FGD3: variants seen among roughly 807,000 people sequenced by gnomAD.
The protein encoded by FGD3 is FYVE, RhoGEF and PH domain containing 3.
Under a neutral mutation model 71.8 loss-of-function variants are expected in FGD3, and 45 were observed. That is an observed-to-expected ratio of 0.63 (90% CI 0.49 to 0.80). The LOEUF (loss-of-function observed/expected upper bound fraction) is 0.80, where lower values mean the gene tolerates loss of function less well. FGD3 is among the 30% of genes least tolerant of loss of function. FGD3 has a pLI of 0.00. For synonymous variants in FGD3, 378 were observed against 392.8 expected (o/e 0.96, Z 0.44); for missense variants, 844 against 951.5 (o/e 0.89, Z 1.49).
chr9:93,011,943 G>A (rs1289802321), intron 8 of FGD3, among the ~76,000 whole-genome samples: 1 of 151,816 alleles, frequency 6.6e-6, no homozygotes, highest in Non-Finnish European at 1.5e-5. Flanking sequence ...TGGATCATGA[G>A]GTCAGGAGAT....
intron 13 of FGD3, 72 bp downstream of exon 13, chr9:93,020,496 C>T (rs759309316): frequency 7.4e-6 from 10 of 1,354,966 alleles, no homozygotes; most frequent in East Asian, 4.9e-5. Context: ...AAGGCACTGG[C>T]GTCTGGGTGG....
At chr9:92,989,115 G>T (rs1362198677) in intron 3 of FGD3, among the ~76,000 whole-genome samples, 3 of 152,076 alleles carry the variant, frequency 2.0e-5, no homozygotes, top group African/African-American at 7.2e-5. Flanking sequence ...CAATGGCGCA[G>T]TCTAGGCTCA....
At chr9:92,973,950 C>G (rs1188799659) in intron 1 of FGD3, among the ~76,000 whole-genome samples, 1 of 152,208 alleles carries the variant, frequency 6.6e-6, no homozygotes, top group Non-Finnish European at 1.5e-5. Flanking sequence ...ACAGGGCTTC[C>G]CTTCCCTGAT....
At chr9:93,008,622 A>C (rs965203020) in intron 6 of FGD3, among the ~76,000 whole-genome samples, 2 of 152,202 alleles carry the variant, frequency 1.3e-5, no homozygotes, top group African/African-American at 4.8e-5. Flanking sequence ...CACTTGATAA[A>C]GGGCGTGTCT....
chr9:93,033,302 C>T (rs1862432619), intron 16 of FGD3: 1 of 172,620 alleles, frequency 5.8e-6, no homozygotes, highest in African/African-American at 5.9e-5. Context: ...TCCCCGTCCC[C>T]TTCTCCTCCT....
intron 3 of FGD3, among the ~76,000 whole-genome samples, chr9:92,981,164 C>G (rs1463182878): frequency 6.7e-6 from 1 of 150,222 alleles, no homozygotes; most frequent in African/African-American, 2.4e-5. Context: ...GTCAGGAGAT[C>G]GAGACCATCC....
chr9:93,032,386 G>A, intron 15 of FGD3: 1 of 203,380 alleles, frequency 4.9e-6, no homozygotes. Context: ...GTCATTGTTT[G>A]TCTGGAAAAT....
At chr9:93,001,149 A>C (rs191915490) in intron 3 of FGD3, among the ~76,000 whole-genome samples, 2 of 151,840 alleles carry the variant, frequency 1.3e-5, no homozygotes, top group African/African-American at 4.8e-5. Flanking sequence ...AATAGTTTCT[A>C]TCTCTTTGTT....
chr9:92,977,749 G>A (rs557457747), intron 3 of FGD3, among the ~76,000 whole-genome samples: 1 of 152,302 alleles, frequency 6.6e-6, no homozygotes, highest in East Asian at 1.9e-4. Flanking sequence ...GGGTTCGAGG[G>A]GGAACTGTGG....
chr9:92,997,827 C>T (rs1296070471), intron 3 of FGD3, among the ~76,000 whole-genome samples: 16 of 152,320 alleles, frequency 1.1e-4, no homozygotes, highest in Middle Eastern at 3.4e-3. Flanking sequence ...AGAGTTTCTG[C>T]CGAGAGATCC....
At chr9:92,974,226 G>A (rs1268015236) in intron 1 of FGD3, among the ~76,000 whole-genome samples, 2 of 152,064 alleles carry the variant, frequency 1.3e-5, no homozygotes, top group African/African-American at 2.4e-5. Context: ...TGAACACACC[G>A]AGGCTGAGCA....
chr9:92,998,111 A>G (rs558200521), intron 3 of FGD3, among the ~76,000 whole-genome samples: 19 of 152,332 alleles, frequency 1.2e-4, no homozygotes, highest in African/African-American at 4.1e-4. Flanking sequence ...TACACCAATC[A>G]GACAGAGGTT....
At chr9:92,976,087 C>G in intron 2 of FGD3, 121 bp from the exon 3 acceptor site, 1 of 610,922 alleles carries the variant, frequency 1.6e-6, no homozygotes, top group Admixed American at 3.0e-5. Context: ...CCCAGCCCAC[C>G]TGCTCCAGGC....
At chr9:93,028,884 C>T (rs1050816796) in intron 14 of FGD3, among the ~76,000 whole-genome samples, 2 of 152,114 alleles carry the variant, frequency 1.3e-5, no homozygotes, top group African/African-American at 4.8e-5. Context: ...TACACCTGCT[C>T]CAGCCTCCAC....
At position 93,005,445 on chromosome 9, in the gene FGD3, A is replaced by G. The variant is rs549907078; in HGVS notation, c.681-579A>G. 2.6e-5 allele frequency among the ~76,000 whole-genome samples: 4 copies of G among 152,300 alleles called. No individual in the cohort carries two copies. In the East Asian group the frequency reaches 5.8e-4, roughly 22 times the overall value. On this transcript the variant is annotated intron_variant, in intron 5 of 17. Coordinates refer to ENST00000375482, the MANE Select transcript of FGD3 (RefSeq NM_001083536.2). ...CAGCCTGGACCTTTAAATTAAATGT[A>G]TAAGTGCAGTTCACAGTCATGCCTT...
intron 12 of FGD3, among the ~76,000 whole-genome samples, 168 bp from the exon 13 acceptor site, chr9:93,020,149 A>G (rs1861856643): frequency 6.6e-6 from 1 of 152,222 alleles, no homozygotes; most frequent in Admixed American, 6.5e-5. Context: ...GGACAGCTCC[A>G]AGGGGAGACC....
In FGD3 at chr9:92,969,739, G is replaced by T. The variant is rs972656546; in HGVS notation, c.-217-5499G>T. On this transcript the variant is annotated intron_variant, in intron 1 of 17. Coordinates refer to ENST00000375482, the MANE Select transcript of FGD3 (RefSeq NM_001083536.2). This position sits in a 1 kb window ranked among gnomAD's most constrained non-coding sequence, Gnocchi z 4.5. ...GATAGAGCTGGGTGGTAGGCAGACTGGTGGCCCATCTGTGGGACCAGCCCT... is the reference window on the plus strand; with the variant it reads ...GATAGAGCTGGGTGGTAGGCAGACTTGTGGCCCATCTGTGGGACCAGCCCT... Among the ~76,000 whole-genome samples the T allele has an allele frequency of 2.0e-5, 3 of 152,160 alleles. No individual in the cohort carries two copies. Among genetic ancestry groups the T allele is most frequent in the African/African-American group, 7.2e-5 (3 of 41,422 alleles).
At chr9:92,979,303 G>GT (rs750459644) in intron 3 of FGD3, among the ~76,000 whole-genome samples, 2 of 152,230 alleles carry the variant, frequency 1.3e-5, no homozygotes, top group Non-Finnish European at 2.9e-5. Flanking sequence ...TTTGTTGAGT[G>GT]TTTTTTATCA....
Position 92,962,663 on chromosome 9 carries a change from G to A in FGD3, c.-217-12575G>A, listed in dbSNP as rs548252096. Among the ~76,000 whole-genome samples the A allele has an allele frequency of 3.7e-4, 56 of 152,280 alleles. 1 individual carries two copies. In the South Asian group the frequency reaches 0.011, roughly 30 times the overall value. On this transcript the variant is annotated intron_variant, in intron 1 of 17. Coordinates refer to ENST00000375482, the MANE Select transcript of FGD3 (RefSeq NM_001083536.2). Reference sequence around the variant, plus strand: ...GTCTTCAAGAAGTTCATCAGTGTCCGGGCATGGTGGCTCATGCCTGTAATC... The same window carrying A: ...GTCTTCAAGAAGTTCATCAGTGTCCAGGCATGGTGGCTCATGCCTGTAATC...
Sources: allele counts gnomAD v4.1 joint callset (sites outside exome capture counted in the v4.1 genomes callset), GRCh38; gene constraint gnomAD v4.1.1; non-coding constraint Gnocchi (gnomAD v3.1); transcripts MANE v1.5; gene names NCBI Gene and HGNC (gene_info 2026-07-23, HGNC 2026-07-21).